Variants in KCNQ1 observed in about 807,000 individuals in gnomAD.
The protein encoded by KCNQ1 is potassium voltage-gated channel subfamily Q member 1.
A neutral mutation model predicts 72.4 loss-of-function variants in KCNQ1; 49 were observed. The ratio of observed to expected loss-of-function variants is 0.68; its 90% confidence interval spans 0.54 to 0.86. The LOEUF (loss-of-function observed/expected upper bound fraction) is 0.86, where lower values mean the gene tolerates loss of function less well. Ranked by LOEUF, KCNQ1 falls within the 40% of genes least tolerant of loss-of-function variation. The pLI, the probability that KCNQ1 is intolerant of heterozygous loss-of-function variation, is 0.00. For synonymous variants in KCNQ1, 450 were observed against 412.6 expected (o/e 1.09, Z -1.10); for missense variants, 790 against 945.1 (o/e 0.84, Z 2.15).
chr11:2,848,081 G>A lies in KCNQ1; in HGVS notation c.*78G>A, dbSNP rs1272042851. The A allele has an allele frequency of 8.2e-7, 1 of 1,220,208 alleles. No homozygotes were observed. Among genetic ancestry groups the A allele is most frequent in the South Asian group, 1.3e-5 (1 of 77,812 alleles). The allele number at this position is 1,220,208 out of a possible 1,614,324, so 75.6% of individuals were successfully genotyped here. A position where few individuals can be genotyped will look rare whatever the true frequency, so the allele number is the denominator to read the frequency against. On this transcript the variant is annotated 3_prime_UTR_variant, in exon 16 of 16. Coordinates refer to ENST00000155840, the MANE Select transcript of KCNQ1 (RefSeq NM_000218.3). ...GCCCCACCTGGCCCTCTCTGAAGGA[G>A]GCCACCTCCTAAAAGGCCCAGAGAG...
rs890349564 is a variant in KCNQ1 at position 2,559,175 on chromosome 11, T to C, written c.478-11453T>C. Among the ~76,000 whole-genome samples, 6 of 151,988 alleles carry C rather than the reference T, an allele frequency of 3.9e-5. No homozygotes were observed. The highest frequency in any genetic ancestry group is 4.8e-5 in the African/African-American group (2 of 41,400). On this transcript the variant is annotated intron_variant, in intron 2 of 15. Coordinates refer to ENST00000155840, the MANE Select transcript of KCNQ1 (RefSeq NM_000218.3). This position sits in a 1 kb window ranked among gnomAD's most constrained non-coding sequence, Gnocchi z 4.9. ...GAGCAAAATATTGCACTTTCGTTGC[T>C]CTCTGAAAGCCTACCAGGCAGTCTT...
chr11:2,613,129 A>C lies in KCNQ1; in HGVS notation c.1393+24275A>C. 2.5e-6 allele frequency: 1 copy of C among 398,484 alleles called. No individual in the cohort carries two copies. The highest frequency in any genetic ancestry group is 4.4e-6 in the Non-Finnish European group (1 of 226,066). 24.7% of individuals were successfully genotyped at this position (398,484 alleles called of 1,614,324 possible). A position where few individuals can be genotyped will look rare whatever the true frequency, so the allele number is the denominator to read the frequency against. ...AACATCTTGAGCCAGTGAATCTTCC[A>C]CCCTCTGCTGAGGGGATCTATGTGT... is the stretch of plus-strand genomic sequence containing the variant. On this transcript the variant is annotated intron_variant, in intron 10 of 15. Transcript: ENST00000155840. This position sits in a 1 kb window ranked among gnomAD's most constrained non-coding sequence, Gnocchi z 4.8.
chr11:2,619,594 G>A (rs7929804), intron 10 of KCNQ1: 211,327 of 398,112 alleles, frequency 0.53, 58,152 homozygotes, highest in East Asian at 0.75. Flanking sequence ...TTTTTGCATC[G>A]GTATTCTTGG....
At chr11:2,531,398 G>T (rs1236481416) in intron 2 of KCNQ1, among the ~76,000 whole-genome samples, 2 of 152,144 alleles carry the variant, frequency 1.3e-5, no homozygotes, top group African/African-American at 4.8e-5. Context: ...GGGGACAGGG[G>T]CATGGAGCAG....
rs1850518689 is a variant in KCNQ1, at chr11:2,687,924, G to C, written c.1514+25843G>C. On this transcript the variant is annotated intron_variant, in intron 11 of 15. Transcript: ENST00000155840. This position sits in a 1 kb window ranked among gnomAD's most constrained non-coding sequence, Gnocchi z 5.0. ...GATGGAAAATCCCCAGCAGTTGTGA[G>C]GCTGCACTTCTCCCACCCGCTGTGG... The C allele has an allele frequency of 2.5e-6, 1 of 398,684 alleles. No homozygotes were observed. Among genetic ancestry groups the C allele is most frequent in the Non-Finnish European group, 4.4e-6 (1 of 226,186 alleles). 24.7% of individuals were successfully genotyped at this position (398,684 alleles called of 1,614,324 possible).
chr11:2,707,848 C>A (rs757990574), intron 11 of KCNQ1, among the ~76,000 whole-genome samples: 102 of 152,240 alleles, frequency 6.7e-4, no homozygotes, highest in Non-Finnish European at 8.7e-4. Context: ...GTGAGGGACA[C>A]AGCCCCTGTT....
At position 2,483,307 on chromosome 11, in the gene KCNQ1, A is replaced by C. The variant is rs1376972437; in HGVS notation, c.386+37823A>C. ...CTCTTGGCTTCTGTACTTTAAAAAA[A>C]TCATTTTGTTTTGAAGCAATTTTAG... On this transcript the variant is annotated intron_variant, in intron 1 of 15. Coordinates refer to ENST00000155840, the MANE Select transcript of KCNQ1 (RefSeq NM_000218.3). The surrounding 1 kb of genome is among the most constrained non-coding windows in gnomAD (Gnocchi z 6.1). 6.6e-6 allele frequency among the ~76,000 whole-genome samples: 1 copy of C among 152,194 alleles called. No homozygotes were observed. The highest frequency in any genetic ancestry group is 2.4e-5 in the African/African-American group (1 of 41,452).
rs1157065502 is a variant in KCNQ1, at chr11:2,816,928, A to C, written c.1795-30839A>C. On this transcript the variant is annotated intron_variant, in intron 15 of 15. Transcript: ENST00000155840. The surrounding 1 kb of genome is among the most constrained non-coding windows in gnomAD (Gnocchi z 6.8). ...TGTGACCACAGCCCAACCCCTGGGC[A>C]GTGGCTGCCCCTCTGCCTCTGGAGG... Among the ~76,000 whole-genome samples the C allele has an allele frequency of 2.0e-5, 3 of 152,034 alleles. No individual in the cohort carries two copies. The highest frequency in any genetic ancestry group is 4.4e-5 in the Non-Finnish European group (3 of 67,970).
rs1395095109 is a variant in KCNQ1, at chr11:2,468,534, T to C, written c.386+23050T>C. Among the ~76,000 whole-genome samples the C allele has an allele frequency of 1.3e-5, 2 of 152,178 alleles. No homozygotes were observed. The highest frequency in any genetic ancestry group is 4.8e-5 in the African/African-American group (2 of 41,434). On this transcript the variant is annotated intron_variant, in intron 1 of 15. Coordinates refer to ENST00000155840, the MANE Select transcript of KCNQ1 (RefSeq NM_000218.3). The surrounding 1 kb of genome is among the most constrained non-coding windows in gnomAD (Gnocchi z 5.7). ...TGAGTCCTGACATTTGGAGGCCCTG[T>C]GAAGCCAGCATCAGCAGAGTGGGCA...
At position 2,588,723 on chromosome 11, in the gene KCNQ1, A is replaced by C. The variant is rs2133760388; in HGVS notation, c.1262A>C (p.Lys421Thr). The C allele has an allele frequency of 6.2e-7, 1 of 1,613,648 alleles. No homozygotes were observed. Among genetic ancestry groups the C allele is most frequent in the African/African-American group, 1.3e-5 (1 of 75,006 alleles). ...TCTTGTTTTTTTTAGGTAAAGAAAA[A>C]AAAGTTCAAGCTGGACAAAGACAAT... Reference protein sequence around the residue: ...KPKKSVVVKKKKFKLDKDNGV... With the variant: ...KPKKSVVVKKTKFKLDKDNGV... The change falls in exon 10 of 16, where the codon AAA becomes ACA. Residue 421 changes from lysine to threonine, a missense_variant. Physicochemically the swap from Lys to Thr is moderately conservative, Grantham distance 78. Around this residue, in one of 5 missense-constraint regions of KCNQ1, gnomAD observed 178 missense variants for 177.9 expected, o/e 1.00. Transcript: ENST00000155840. The surrounding 1 kb of genome is among the most constrained non-coding windows in gnomAD (Gnocchi z 5.6).
chr11:2,792,019 G>A (rs564460986), intron 15 of KCNQ1, among the ~76,000 whole-genome samples: 144 of 152,206 alleles, frequency 9.5e-4, no homozygotes, highest in African/African-American at 3.1e-3. Flanking sequence ...GGGCCGAGGC[G>A]CGCTGGGCTG....
chr11:2,726,600 A>C (rs898142514), intron 11 of KCNQ1, among the ~76,000 whole-genome samples: 1 of 152,210 alleles, frequency 6.6e-6, no homozygotes, highest in Non-Finnish European at 1.5e-5. Flanking sequence ...ACCCCGGTGA[A>C]GATCTGGTGG....
chr11:2,522,643 G>A lies in KCNQ1; in HGVS notation c.387-5285G>A, dbSNP rs143193114. Among the ~76,000 whole-genome samples, 355 of 152,354 alleles carry A rather than the reference G, an allele frequency of 2.3e-3. 1 individual carries two copies. The highest frequency in any genetic ancestry group is 8.2e-3 in the African/African-American group (340 of 41,572). ...ATATAATTCCTTCTGAGGCTAGCACGGTATATCAAAATATCGGAAGAATCA... is the reference window on the plus strand; with the variant it reads ...ATATAATTCCTTCTGAGGCTAGCACAGTATATCAAAATATCGGAAGAATCA... On this transcript the variant is annotated intron_variant, in intron 1 of 15. Transcript: ENST00000155840.
chr11:2,745,804 G>A lies in KCNQ1; in HGVS notation c.1515-23040G>A, dbSNP rs950425029. Among the ~76,000 whole-genome samples the A allele has an allele frequency of 5.3e-5, 8 of 152,248 alleles. No individual in the cohort carries two copies. Among genetic ancestry groups the A allele is most frequent in the African/African-American group, 7.2e-5 (3 of 41,466 alleles). The stretch of plus-strand genomic sequence containing the variant: ...GAGGGCCGCCTTCAGGCCTGAGCCC[G>A]GGGCCAGGACCAGGAGCAGGCGGCA... On this transcript the variant is annotated intron_variant, in intron 11 of 15. Coordinates refer to ENST00000155840, the MANE Select transcript of KCNQ1 (RefSeq NM_000218.3). The surrounding 1 kb of genome is among the most constrained non-coding windows in gnomAD (Gnocchi z 6.2).
chr11:2,528,111 C>G, intron 2 of KCNQ1, 93 bp downstream of exon 2: 1 of 1,045,636 alleles, frequency 9.6e-7, no homozygotes. Context: ...GGGGGCAGAG[C>G]CACTCCCAGC....
rs1848223743 is a variant in KCNQ1 at position 2,564,848 on chromosome 11, T to C, written c.478-5780T>C. Reference sequence around the variant, plus strand: ...TGGAAGCAGATAGTATTTGTCCTTGTGTAACTGGATCATTTCACTGAGAGT... The same window carrying C: ...TGGAAGCAGATAGTATTTGTCCTTGCGTAACTGGATCATTTCACTGAGAGT... On this transcript the variant is annotated intron_variant, in intron 2 of 15. Coordinates refer to ENST00000155840, the MANE Select transcript of KCNQ1 (RefSeq NM_000218.3). The surrounding 1 kb of genome is among the most constrained non-coding windows in gnomAD (Gnocchi z 4.5). Among the ~76,000 whole-genome samples, 1 of 152,246 alleles carries C rather than the reference T, an allele frequency of 6.6e-6. No individual in the cohort carries two copies. The highest frequency in any genetic ancestry group is 2.1e-4 in the South Asian group (1 of 4,830).
At chr11:2,584,403 G>A (rs995111523) in intron 7 of KCNQ1, among the ~76,000 whole-genome samples, 2 of 149,492 alleles carry the variant, frequency 1.3e-5, no homozygotes, top group African/African-American at 5.1e-5. Context: ...GTGGGTTTGT[G>A]TTTGTGTTTC....
intron 1 of KCNQ1, among the ~76,000 whole-genome samples, chr11:2,469,558 A>ACAGGCT (rs1268562283): frequency 1.3e-5 from 2 of 151,736 alleles, no homozygotes; most frequent in Non-Finnish European, 2.9e-5. Context: ...GGCATGAGCT[A>ACAGGCT]CGGCTCCCGG....
Position 2,657,066 on chromosome 11 carries a change from G to C in KCNQ1, c.1394-4895G>C, listed in dbSNP as rs565776113. The C allele has an allele frequency of 1.0e-5, 4 of 398,578 alleles. No individual in the cohort carries two copies. The East Asian group carries it at 1.4e-4, about 14-fold the overall frequency. 24.7% of individuals were successfully genotyped at this position (398,578 alleles called of 1,614,324 possible). On this transcript the variant is annotated intron_variant, in intron 10 of 15. Coordinates refer to ENST00000155840, the MANE Select transcript of KCNQ1 (RefSeq NM_000218.3). This position sits in a 1 kb window ranked among gnomAD's most constrained non-coding sequence, Gnocchi z 4.8. ...GGGCTGTTTCCCAATGCTCAATCCT[G>C]TCCCATTGGCCTATTTGTCTCTCCC...
Sources: allele counts gnomAD v4.1 joint callset (sites outside exome capture counted in the v4.1 genomes callset), GRCh38; gene constraint gnomAD v4.1.1; regional missense constraint gnomAD v4.1.1; non-coding constraint Gnocchi (gnomAD v3.1); transcripts MANE v1.5; gene names NCBI Gene and HGNC (gene_info 2026-07-23, HGNC 2026-07-21).